The following PRKN variants were observed in gnomAD, a reference collection of about 807,000 sequenced individuals.
The protein encoded by PRKN is parkin RBR E3 ubiquitin protein ligase.
A neutral mutation model predicts 59.5 loss-of-function variants in PRKN; 56 were observed. The ratio of observed to expected loss-of-function variants is 0.94; its 90% CI spans 0.76 to 1.18. The LOEUF is 1.18. Ranked by LOEUF, PRKN falls within the 50% of genes most tolerant of loss-of-function variation. PRKN has a pLI of 0.00. For synonymous variants in PRKN, 250 were observed against 222.1 expected (o/e 1.13, Z -1.12); for missense variants, 657 against 596.4 (o/e 1.10, Z -1.06).
intron 7 of PRKN, among the ~76,000 whole-genome samples, chr6:161,699,989 A>C (rs922489390): frequency 1.3e-5 from 2 of 152,068 alleles, no homozygotes; most frequent in African/African-American, 4.8e-5. Flanking sequence ...CAGGGTCTGC[A>C]GTCATGGGTA....
intron 7 of PRKN, among the ~76,000 whole-genome samples, chr6:161,598,710 T>C (rs1389145924): frequency 2.6e-5 from 4 of 152,248 alleles, no homozygotes; most frequent in South Asian, 2.1e-4. Context: ...TTTAACAATA[T>C]ATGTTACGAA....
intron 1 of PRKN, among the ~76,000 whole-genome samples, chr6:162,499,839 G>A (rs1212929443): frequency 6.6e-6 from 1 of 152,052 alleles, no homozygotes; most frequent in Non-Finnish European, 1.5e-5. Flanking sequence ...ACTTATGACA[G>A]GTCTCTGATA....
chr6:162,316,884 G>A (rs1434284204), intron 2 of PRKN, among the ~76,000 whole-genome samples: 1 of 151,984 alleles, frequency 6.6e-6, no homozygotes, highest in Admixed American at 6.6e-5. Flanking sequence ...AGCTGCATTA[G>A]TATAAAAAAC....
chr6:161,963,310 C>A (rs529752605), intron 6 of PRKN, among the ~76,000 whole-genome samples: 2 of 152,216 alleles, frequency 1.3e-5, no homozygotes, highest in African/African-American at 2.4e-5. Flanking sequence ...GGGGTTGCTG[C>A]GCACCTGCGG....
At chr6:162,144,722 A>G (rs1781945428) in intron 4 of PRKN, among the ~76,000 whole-genome samples, 1 of 152,160 alleles carries the variant, frequency 6.6e-6, no homozygotes, top group African/African-American at 2.4e-5. Context: ...AATTGCACCA[A>G]TTTTTAGCTT....
chr6:162,323,043 G>A (rs938440359), intron 2 of PRKN, among the ~76,000 whole-genome samples: 4 of 138,064 alleles, frequency 2.9e-5, no homozygotes, highest in African/African-American at 1.1e-4. Context: ...GACACAGGCA[G>A]GGGAATATCA....
At chr6:161,779,723 G>A (rs934136603) in intron 7 of PRKN, among the ~76,000 whole-genome samples, 9 of 151,980 alleles carry the variant, frequency 5.9e-5, no homozygotes, top group African/African-American at 1.7e-4. Context: ...GATTACAGGC[G>A]TGAGTCACTG....
At chr6:161,587,156 T>C (rs1781550714) in intron 7 of PRKN, among the ~76,000 whole-genome samples, 1 of 152,206 alleles carries the variant, frequency 6.6e-6, no homozygotes. Flanking sequence ...ACTTAAAGGC[T>C]TTATTCTGAC....
intron 6 of PRKN, among the ~76,000 whole-genome samples, chr6:161,897,953 C>G (rs545922938): frequency 5.7e-5 from 2 of 35,022 alleles, no homozygotes; most frequent in Non-Finnish European, 1.1e-4. Flanking sequence ...GGTGACAGAG[C>G]GAGACTCCGT....
At chr6:161,539,925 A>G (rs1249404735) in intron 9 of PRKN, among the ~76,000 whole-genome samples, 1 of 152,230 alleles carries the variant, frequency 6.6e-6, no homozygotes, top group Non-Finnish European at 1.5e-5. Context: ...ATTCCACTGT[A>G]TAATTATGTC....
chr6:162,377,957 C>T (rs1786210441), intron 2 of PRKN, among the ~76,000 whole-genome samples: 1 of 152,120 alleles, frequency 6.6e-6, no homozygotes, highest in African/African-American at 2.4e-5. Flanking sequence ...TGGGAGAACG[C>T]CTAGTAAAAC....
At chr6:161,816,506 C>T (rs1791788831) in intron 6 of PRKN, among the ~76,000 whole-genome samples, 1 of 152,134 alleles carries the variant, frequency 6.6e-6, no homozygotes, top group Non-Finnish European at 1.5e-5. Context: ...TGTTTTATCA[C>T]ACACCACTTA....
At chr6:161,616,032 GCT>G (rs1782680558) in intron 7 of PRKN, among the ~76,000 whole-genome samples, 1 of 152,020 alleles carries the variant, frequency 6.6e-6, no homozygotes, top group Non-Finnish European at 1.5e-5. Context: ...TCTTCTGGCC[GCT>G]CTCTCTCCCC....
intron 1 of PRKN, among the ~76,000 whole-genome samples, chr6:162,500,329 G>A (rs187049534): frequency 5.7e-4 from 87 of 152,008 alleles, no homozygotes; most frequent in African/African-American, 1.9e-3. Flanking sequence ...CCGCCACCAC[G>A]CCCAGCTAAT....
At chr6:161,366,802 C>A (rs1582976936) in intron 10 of PRKN, among the ~76,000 whole-genome samples, 1 of 151,956 alleles carries the variant, frequency 6.6e-6, no homozygotes, top group East Asian at 1.9e-4. Context: ...GATTTCTGTC[C>A]ATCACTTCCC....
chr6:161,678,690 G>GA (rs1430731260), intron 7 of PRKN, among the ~76,000 whole-genome samples: 1 of 148,448 alleles, frequency 6.7e-6, no homozygotes, highest in Non-Finnish European at 1.5e-5. Context: ...TCAACCTCCC[G>GA]AGTAGCTGGG....
chr6:162,204,718 T>G (rs1266867556), intron 3 of PRKN, among the ~76,000 whole-genome samples: 1 of 151,508 alleles, frequency 6.6e-6, no homozygotes, highest in African/African-American at 2.4e-5. Context: ...AGTTTTGTTT[T>G]TTTTTTTTCC....
At chr6:162,591,009 A>G (rs2128214185) in intron 1 of PRKN, among the ~76,000 whole-genome samples, 1 of 152,160 alleles carries the variant, frequency 6.6e-6, no homozygotes, top group African/African-American at 2.4e-5. Flanking sequence ...TCACTGTCTC[A>G]TGGGGGGCCC....
Position 161,385,246 on chromosome 6 carries a change from T to C in PRKN, c.1167+1548A>G, listed in dbSNP as rs1583003241. On this transcript the variant is annotated intron_variant, in intron 10 of 11. Coordinates refer to ENST00000366898, the MANE Select transcript of PRKN (RefSeq NM_004562.3). The surrounding 1 kb of genome is among the most constrained non-coding windows in gnomAD (Gnocchi z 4.9). ...CCCGGCCGGGAAATATACTTTTCAA[T>C]GCATTTTTCTAGAGAGTCTAGCAGC... Among the ~76,000 whole-genome samples, 1 of 152,286 alleles carries C rather than the reference T, an allele frequency of 6.6e-6. No individual in the cohort carries two copies. The highest frequency in any genetic ancestry group is 1.5e-5 in the Non-Finnish European group (1 of 68,022).
Sources: allele counts gnomAD v4.1 joint callset (sites outside exome capture counted in the v4.1 genomes callset), GRCh38; gene constraint gnomAD v4.1.1; non-coding constraint Gnocchi (gnomAD v3.1); transcripts MANE v1.5; gene names NCBI Gene and HGNC (gene_info 2026-07-23, HGNC 2026-07-21).